The following HHIP variants were observed in gnomAD, a reference collection of about 807,000 sequenced individuals.
The protein encoded by HHIP is hedgehog-interacting protein.
In HHIP, 12 loss-of-function variants were observed where a neutral mutation model predicts 74.0. The ratio of observed to expected loss-of-function variants is 0.16; its 90% CI spans 0.10 to 0.26. HHIP has a LOEUF of 0.26. Ranked by LOEUF, HHIP falls within the 10% of genes least tolerant of loss-of-function variation. HHIP has a pLI of 1.00. For missense variants in HHIP, 788 were observed against 845.0 expected (o/e 0.93, Z 0.84); for synonymous variants, 309 against 311.6 (o/e 0.99, Z 0.09).
chr4:144,648,379 C>T (rs1403783381), intron 1 of HHIP: 1 of 152,216 alleles, frequency 6.6e-6, no homozygotes, highest in East Asian at 1.9e-4. Context: ...GAGCATTTGT[C>T]CAACTCCTTC....
chr4:144,706,111 C>A (rs985136121), intron 4 of HHIP, among the ~76,000 whole-genome samples: 1 of 152,192 alleles, frequency 6.6e-6, no homozygotes, highest in African/African-American at 2.4e-5. Flanking sequence ...GAGTTGGCAG[C>A]CCACACTGTG....
intron 4 of HHIP, among the ~76,000 whole-genome samples, chr4:144,691,382 T>A (rs1045556950): frequency 3.3e-5 from 5 of 152,150 alleles, no homozygotes; most frequent in Non-Finnish European, 5.9e-5. Flanking sequence ...ATGTGTGACA[T>A]AAAGACAATA....
In HHIP at chr4:144,708,041, C is replaced by A; in HGVS notation, c.1158-127C>A. On this transcript the variant is annotated intron_variant, in intron 6 of 12. Coordinates refer to ENST00000296575, the MANE Select transcript of HHIP (RefSeq NM_022475.3). ...TACAGACGTGAGCCACTGCATCCAG[C>A]CACTTTAATATTTTATTTCAACTAA... is the stretch of plus-strand genomic sequence containing the variant. 12 of 980,252 alleles carry A rather than the reference C, an allele frequency of 1.2e-5. 1 individual carries two copies. The highest frequency in any genetic ancestry group is 1.5e-5 in the Non-Finnish European group (10 of 656,810). 60.7% of individuals were successfully genotyped at this position (980,252 alleles called of 1,614,324 possible).
At chr4:144,655,623 T>G (rs963597867) in intron 2 of HHIP, among the ~76,000 whole-genome samples, 1 of 152,136 alleles carries the variant, frequency 6.6e-6, no homozygotes, top group Non-Finnish European at 1.5e-5. Context: ...CCCGGCCAGT[T>G]AGCTTACACA....
At chr4:144,662,486 A>G (rs1485967595) in intron 4 of HHIP, among the ~76,000 whole-genome samples, 1 of 152,276 alleles carries the variant, frequency 6.6e-6, no homozygotes, top group African/African-American at 2.4e-5. Context: ...GCAAAGCACA[A>G]GCTAAAGAAT....
intron 4 of HHIP, among the ~76,000 whole-genome samples, chr4:144,695,461 C>T (rs1729787565): frequency 6.6e-6 from 1 of 151,378 alleles, no homozygotes; most frequent in Non-Finnish European, 1.5e-5. Context: ...ATTTTCACAG[C>T]TAATTGCTAC....
At chr4:144,726,344 G>C (rs1730806894) in intron 11 of HHIP, among the ~76,000 whole-genome samples, 1 of 152,076 alleles carries the variant, frequency 6.6e-6, no homozygotes, top group Admixed American at 6.6e-5. Context: ...CCTGTGTTCA[G>C]TATATTATAT....
intron 4 of HHIP, among the ~76,000 whole-genome samples, chr4:144,667,619 C>T (rs1023833122): frequency 1.2e-4 from 18 of 152,276 alleles, no homozygotes; most frequent in Admixed American, 1.0e-3. Context: ...TGCAAAGTCC[C>T]CAGCTCTGGA....
chr4:144,659,861 A>AT, intron 4 of HHIP, 23 bp downstream of exon 4: 1 of 1,547,762 alleles, frequency 6.5e-7, no homozygotes, highest in Non-Finnish European at 8.9e-7. Context: ...AATTTTATTT[A>AT]TTTTTGTGCT....
In HHIP at chr4:144,661,095, A is replaced by G. The variant is rs549132978; in HGVS notation, c.831+1257A>G. 2.6e-5 allele frequency among the ~76,000 whole-genome samples: 4 copies of G among 152,342 alleles called. No homozygotes were observed. The East Asian group carries it at 7.7e-4, about 29-fold the overall frequency. ...GAATACTGGAAAATTTTTTATAACAAGAACTGATGTTCTTGTTTCTACCTC... is the reference window on the plus strand; with the variant it reads ...GAATACTGGAAAATTTTTTATAACAGGAACTGATGTTCTTGTTTCTACCTC... On this transcript the variant is annotated intron_variant, in intron 4 of 12. Transcript: ENST00000296575.
At chr4:144,726,953 T>C (rs1479601803) in intron 11 of HHIP, among the ~76,000 whole-genome samples, 1 of 152,254 alleles carries the variant, frequency 6.6e-6, no homozygotes, top group African/African-American at 2.4e-5. Context: ...TCTGAGCTGC[T>C]TGCTGGTTGC....
At position 144,712,003 on chromosome 4, in the gene HHIP, G is replaced by A; in HGVS notation, c.1355G>A (p.Cys452Tyr). 1 of 1,611,210 alleles carries A rather than the reference G, an allele frequency of 6.2e-7. No individual in the cohort carries two copies. ...TDININLTILCSDSNGKNRSS... is the reference protein window; with the variant it reads ...TDININLTILYSDSNGKNRSS... ...ATAAACATCAATTTAACGATACTGT[G>A]TTCAGACTCCAATGGAAAAAACAGA... Residue 452 changes from cysteine to tyrosine, a missense_variant, in exon 8 of 13, where the codon TGT (cysteine) becomes TAT (tyrosine). By Grantham distance (194) the Cys-to-Tyr change is radical (BLOSUM62 -2). This residue lies in a region of HHIP where 343 missense variants were observed against 347.9 expected (regional missense o/e 0.99). Transcript: ENST00000296575.
At chr4:144,688,207 C>G (rs1729540172) in intron 4 of HHIP, among the ~76,000 whole-genome samples, 1 of 152,070 alleles carries the variant, frequency 6.6e-6, no homozygotes, top group South Asian at 2.1e-4. Flanking sequence ...GACCATGTTC[C>G]CACCCAAGTC....
intron 6 of HHIP, among the ~76,000 whole-genome samples, chr4:144,707,684 C>G (rs986705945): frequency 1.4e-4 from 20 of 138,994 alleles, no homozygotes; most frequent in Non-Finnish European, 2.6e-4. Flanking sequence ...TGCCACAGTC[C>G]TCAGCCACCA....
At chr4:144,690,388 A>C (rs1729615580) in intron 4 of HHIP, among the ~76,000 whole-genome samples, 1 of 152,136 alleles carries the variant, frequency 6.6e-6, no homozygotes, top group Non-Finnish European at 1.5e-5. Flanking sequence ...AATACCTGGA[A>C]AGTACTAGGA....
chr4:144,718,980 A>G (rs774883450), intron 11 of HHIP, 24 bp downstream of exon 11: 1 of 1,370,160 alleles, frequency 7.3e-7, no homozygotes, highest in South Asian at 1.2e-5. Context: ...TTATCCCATT[A>G]AGTCAAGTAA....
At position 144,706,716 on chromosome 4, in the gene HHIP, C is replaced by G. The variant is rs150931135; in HGVS notation, c.983+34C>G. 15,265 of 1,553,524 alleles carry G rather than the reference C, an allele frequency of 9.8e-3. 104 individuals are homozygous for G. The highest frequency in any genetic ancestry group is 0.011 in the Non-Finnish European group (12,496 of 1,152,146). On this transcript the variant is annotated intron_variant, in intron 5 of 12. Coordinates refer to ENST00000296575, the MANE Select transcript of HHIP (RefSeq NM_022475.3). The stretch of plus-strand genomic sequence containing the variant: ...AAAAGGCATCGAAGCATAGAAATTT[C>G]TCATCTTATTTTCTCATCATCTTTT...
chr4:144,711,934 C>T lies in HHIP; in HGVS notation c.1302-16C>T, dbSNP rs1273371618. 1 of 1,609,320 alleles carries T rather than the reference C, an allele frequency of 6.2e-7. No individual in the cohort carries two copies. The highest frequency in any genetic ancestry group is 1.3e-5 in the African/African-American group (1 of 74,774). On this transcript the variant is annotated splice_polypyrimidine_tract_variant and intron_variant, in intron 7 of 12. Coordinates refer to ENST00000296575, the MANE Select transcript of HHIP (RefSeq NM_022475.3). Reference sequence around the variant, plus strand: ...ATCACGGTAGGAATTAATGTGTATCCCCTCTTGTTATGCAGATGTGCTGTG... The same window carrying T: ...ATCACGGTAGGAATTAATGTGTATCTCCTCTTGTTATGCAGATGTGCTGTG...
chr4:144,663,669 GA>G (rs948461244), intron 4 of HHIP, among the ~76,000 whole-genome samples: 2 of 152,050 alleles, frequency 1.3e-5, no homozygotes, highest in African/African-American at 4.8e-5. Context: ...AATACCATTT[GA>G]AAAAAATGGT....
Sources: allele counts gnomAD v4.1 joint callset (sites outside exome capture counted in the v4.1 genomes callset), GRCh38; gene constraint gnomAD v4.1.1; regional missense constraint gnomAD v4.1.1; transcripts MANE v1.5; gene names NCBI Gene and HGNC (gene_info 2026-07-23, HGNC 2026-07-21).